The following ASPHD2 variants were observed in gnomAD, a reference collection of about 807,000 sequenced individuals.
ASPHD2 encodes aspartate beta-hydroxylase domain-containing protein 2.
A neutral mutation model predicts 34.6 loss-of-function variants in ASPHD2; 12 were observed. That is an observed-to-expected ratio of 0.35 (90% confidence interval 0.22 to 0.56). The LOEUF is 0.56. Ranked by LOEUF, ASPHD2 falls within the 20% of genes least tolerant of loss-of-function variation. The pLI, the probability that ASPHD2 is intolerant of heterozygous loss-of-function variation, is 0.87. For missense variants in ASPHD2, 375 were observed against 505.0 expected (o/e 0.74, Z 2.47); for synonymous variants, 224 against 212.2 (o/e 1.06, Z -0.48).
rs541362211 is a variant in ASPHD2, at chr22:26,443,467, G to A, written c.*261G>A. The A allele has an allele frequency of 4.3e-5, 18 of 419,764 alleles. No individual in the cohort carries two copies. The highest frequency in any genetic ancestry group is 1.6e-4 in the African/African-American group (8 of 48,732). 26.0% of individuals were successfully genotyped at this position (419,764 alleles called of 1,614,324 possible). The stretch of plus-strand genomic sequence containing the variant: ...AGAGACTCCTTTCTGGCCTAACAGC[G>A]CATTCCTTTGATTGGTCCTTGAGTG... On this transcript the variant is annotated 3_prime_UTR_variant, in exon 4 of 4. Coordinates refer to ENST00000215906, the MANE Select transcript of ASPHD2 (RefSeq NM_020437.5).
chr22:26,434,283 C>A lies in ASPHD2; in HGVS notation c.668C>A (p.Thr223Asn). ...CCGCAAGGATGGAAAATGAACAGCACCCCCAGCGGGGAGTGGTTCACCTTT... is the reference window on the plus strand; with the variant it reads ...CCGCAAGGATGGAAAATGAACAGCAACCCCAGCGGGGAGTGGTTCACCTTT... ...SLPQGWKMNS[T>N]PSGEWFTFYL... Residue 223 changes from threonine to asparagine, a missense_variant, in exon 2 of 4, where the codon ACC becomes AAC. This residue lies in a region of ASPHD2 where 142 missense variants were observed against 217.9 expected (regional missense o/e 0.65). Transcript: ENST00000215906. 6.2e-7 allele frequency: 1 copy of A among 1,614,212 alleles called. No homozygotes were observed. Among genetic ancestry groups the A allele is most frequent in the East Asian group, 2.2e-5 (1 of 44,884 alleles).
In ASPHD2 at chr22:26,442,487, G is replaced by C. The variant is rs1394756017; in HGVS notation, c.915G>C (p.Leu305=). Residue 305 remains leucine (L), a synonymous_variant, in exon 3 of 4, where the codon CTG becomes CTC. Coordinates refer to ENST00000215906, the MANE Select transcript of ASPHD2 (RefSeq NM_020437.5). ...TGAAAACTCCAAATGGCTGTGAGCT[G>C]GTGGTGGGGGGAGAGCCCCAGTGCT... ...LGLKTPNGCE[L]VVGGEPQCWA... 2.5e-6 allele frequency: 4 copies of C among 1,607,672 alleles called. No individual in the cohort carries two copies. In the African/African-American group the frequency reaches 5.4e-5, roughly 22 times the overall value.
Position 26,444,946 on chromosome 22 carries a change from C to A in ASPHD2, c.*1740C>A, listed in dbSNP as rs956699971. ...CAAAACCAACAGCCCGCGCAGGTAC[C>A]TAGCTACCTGCATTCATGTGACATG... is the stretch of plus-strand genomic sequence containing the variant. On this transcript the variant is annotated 3_prime_UTR_variant, in exon 4 of 4. Coordinates refer to ENST00000215906, the MANE Select transcript of ASPHD2 (RefSeq NM_020437.5). 6.6e-6 allele frequency: 1 copy of A among 152,192 alleles called. No individual in the cohort carries two copies. The highest frequency in any genetic ancestry group is 6.5e-5 in the Admixed American group (1 of 15,284). 9.4% of individuals were successfully genotyped at this position (152,192 alleles called of 1,614,324 possible).
At chr22:26,437,413 G>A (rs1440007085) in intron 2 of ASPHD2, among the ~76,000 whole-genome samples, 2 of 152,180 alleles carry the variant, frequency 1.3e-5, no homozygotes, top group African/African-American at 4.8e-5. Flanking sequence ...GAGCCCTGCT[G>A]TGAGCTACTT....
In ASPHD2 at chr22:26,444,561, C is replaced by A. The variant is rs550029172; in HGVS notation, c.*1355C>A. 3.9e-5 allele frequency: 6 copies of A among 152,316 alleles called. No individual in the cohort carries two copies. In the East Asian group the frequency reaches 9.6e-4, roughly 24 times the overall value. The allele number at this position is 152,316 out of a possible 1,614,324, so 9.4% of individuals were successfully genotyped here. On this transcript the variant is annotated 3_prime_UTR_variant, in exon 4 of 4. Coordinates refer to ENST00000215906, the MANE Select transcript of ASPHD2 (RefSeq NM_020437.5). ...TAGCCGGCCAGCCACACTAGAGATGCCTTTTCTGAATAATGTATTATGAGC... is the reference window on the plus strand; with the variant it reads ...TAGCCGGCCAGCCACACTAGAGATGACTTTTCTGAATAATGTATTATGAGC...
chr22:26,429,554 G>T lies in ASPHD2; in HGVS notation c.-225+68G>T, dbSNP rs1181582083. 6.6e-6 allele frequency: 1 copy of T among 152,076 alleles called. No homozygotes were observed. The highest frequency in any genetic ancestry group is 1.5e-5 in the Non-Finnish European group (1 of 67,718). 9.4% of individuals were successfully genotyped at this position (152,076 alleles called of 1,614,324 possible). Reference sequence around the variant, plus strand: ...CGGCTGGGCCGACCCCAGGACAGGGGTTGGAGGCGGGAGCCCGGCAGCTGC... The same window carrying T: ...CGGCTGGGCCGACCCCAGGACAGGGTTTGGAGGCGGGAGCCCGGCAGCTGC... On this transcript the variant is annotated intron_variant, in intron 1 of 3. Transcript: ENST00000215906. This position sits in a 1 kb window ranked among gnomAD's most constrained non-coding sequence, Gnocchi z 4.5.
At position 26,444,580 on chromosome 22, in the gene ASPHD2, T is replaced by C. The variant is rs1052358113; in HGVS notation, c.*1374T>C. The C allele has an allele frequency of 6.6e-6, 1 of 152,266 alleles. No individual in the cohort carries two copies. Among genetic ancestry groups the C allele is most frequent in the Non-Finnish European group, 1.5e-5 (1 of 68,056 alleles). The allele number at this position is 152,266 out of a possible 1,614,324, so 9.4% of individuals were successfully genotyped here. On this transcript the variant is annotated 3_prime_UTR_variant, in exon 4 of 4. Transcript: ENST00000215906. The stretch of plus-strand genomic sequence containing the variant: ...GAGATGCCTTTTCTGAATAATGTAT[T>C]ATGAGCAGTGTCAGATTTATAAAGC...
chr22:26,441,438 A>T (rs2084837501), intron 2 of ASPHD2, among the ~76,000 whole-genome samples: 3 of 144,594 alleles, frequency 2.1e-5, no homozygotes, highest in African/African-American at 7.8e-5. Context: ...TGGTGGAGCC[A>T]CTGCATTTCA....
chr22:26,441,020 CAA>C (rs2084832577), intron 2 of ASPHD2, among the ~76,000 whole-genome samples: 1 of 152,146 alleles, frequency 6.6e-6, no homozygotes, highest in Non-Finnish European at 1.5e-5. Flanking sequence ...GAATTTTTGC[CAA>C]GAGTGCAGTG....
At position 26,442,932 on chromosome 22, in the gene ASPHD2, C is replaced by G. The variant is rs2084863088; in HGVS notation, c.1001-165C>G. 1.3e-5 allele frequency among the ~76,000 whole-genome samples: 2 copies of G among 152,104 alleles called. 1 individual carries two copies. Among genetic ancestry groups the G allele is most frequent in the Admixed American group, 1.3e-4 (2 of 15,272 alleles). ...CACCCTGCTCAGAAGCCCATGAAGC[C>G]AGGTTTATGCTCTCAGTGAGAGAGG... On this transcript the variant is annotated intron_variant, in intron 3 of 3. Coordinates refer to ENST00000215906, the MANE Select transcript of ASPHD2 (RefSeq NM_020437.5).
chr22:26,429,343 GCTC>G lies in ASPHD2; in HGVS notation c.-366_-364del, dbSNP rs2084741830. On this transcript the variant is annotated 5_prime_UTR_variant, in exon 1 of 4. Transcript: ENST00000215906. This position sits in a 1 kb window ranked among gnomAD's most constrained non-coding sequence, Gnocchi z 4.5. ...CGGCGCGGCTTAGGCTCGGGCTCGG[GCTC>G]CGGCTCGGGCTCCCGCGGCGTGGGC... 1 of 151,068 alleles carries G rather than the reference GCTC, an allele frequency of 6.6e-6. No individual in the cohort carries two copies. Among genetic ancestry groups the G allele is most frequent in the South Asian group, 1.8e-4 (1 of 5,710 alleles). The allele number at this position is 151,068 out of a possible 1,614,324, so 9.4% of individuals were successfully genotyped here. A position where few individuals can be genotyped will look rare whatever the true frequency, so the allele number is the denominator to read the frequency against.
rs142256914 is a variant in ASPHD2 at position 26,444,961 on chromosome 22, C to A, written c.*1755C>A. ...GCGCAGGTACCTAGCTACCTGCATT[C>A]ATGTGACATGTCTGGGGAACAGAAG... On this transcript the variant is annotated 3_prime_UTR_variant, in exon 4 of 4. Transcript: ENST00000215906. 6.6e-6 allele frequency: 1 copy of A among 152,170 alleles called. No homozygotes were observed. Among genetic ancestry groups the A allele is most frequent in the East Asian group, 1.9e-4 (1 of 5,196 alleles). 9.4% of individuals were successfully genotyped at this position (152,170 alleles called of 1,614,324 possible).
rs966297420 is a variant in ASPHD2 at position 26,429,424 on chromosome 22, G to A, written c.-287G>A. The A allele has an allele frequency of 2.7e-5, 4 of 148,036 alleles. No homozygotes were observed. The highest frequency in any genetic ancestry group is 6.0e-5 in the Non-Finnish European group (4 of 66,168). 9.2% of individuals were successfully genotyped at this position (148,036 alleles called of 1,614,324 possible). A position where few individuals can be genotyped will look rare whatever the true frequency, so the allele number is the denominator to read the frequency against. On this transcript the variant is annotated 5_prime_UTR_variant, in exon 1 of 4. Coordinates refer to ENST00000215906, the MANE Select transcript of ASPHD2 (RefSeq NM_020437.5). This position sits in a 1 kb window ranked among gnomAD's most constrained non-coding sequence, Gnocchi z 4.5. ...GGCGCCGGGCAGGGGCCGTCCGCGG[G>A]TCCGCGCCCTCGGGCGGCGGCGTCT...
At chr22:26,440,705 C>A (rs1251695627) in intron 2 of ASPHD2, among the ~76,000 whole-genome samples, 1 of 152,218 alleles carries the variant, frequency 6.6e-6, no homozygotes, top group African/African-American at 2.4e-5. Flanking sequence ...TTAGAAGTGT[C>A]CTCCAGTTTC....
Position 26,444,786 on chromosome 22 carries a change from A to G in ASPHD2, c.*1580A>G, listed in dbSNP as rs978730902. On this transcript the variant is annotated 3_prime_UTR_variant, in exon 4 of 4. Transcript: ENST00000215906. ...ACATTTGAGTAAAATGTCTACACAG[A>G]TATTTGTCAGTGATGAGAATGCAGG... is the stretch of plus-strand genomic sequence containing the variant. 6.6e-6 allele frequency: 1 copy of G among 152,182 alleles called. No homozygotes were observed. Among genetic ancestry groups the G allele is most frequent in the African/African-American group, 2.4e-5 (1 of 41,460 alleles). The allele number at this position is 152,182 out of a possible 1,614,324, so 9.4% of individuals were successfully genotyped here.
intron 2 of ASPHD2, among the ~76,000 whole-genome samples, chr22:26,438,125 G>C (rs1173531582): frequency 6.6e-6 from 1 of 152,128 alleles, no homozygotes; most frequent in Non-Finnish European, 1.5e-5. Flanking sequence ...AGAGAAAGGG[G>C]AGCTTCTTTC....
At chr22:26,440,800 G>A (rs1237146495) in intron 2 of ASPHD2, among the ~76,000 whole-genome samples, 7 of 152,222 alleles carry the variant, frequency 4.6e-5, no homozygotes, top group Admixed American at 6.5e-5. Flanking sequence ...AGAACACTGT[G>A]TGAGCCTTTG....
At chr22:26,432,103 G>A (rs2084760232) in intron 1 of ASPHD2, among the ~76,000 whole-genome samples, 1 of 152,244 alleles carries the variant, frequency 6.6e-6, no homozygotes, top group Non-Finnish European at 1.5e-5. Context: ...GCTGAGATAG[G>A]AGAATCACTT....
At position 26,442,477 on chromosome 22, in the gene ASPHD2, G is replaced by A. The variant is rs759475606; in HGVS notation, c.905G>A (p.Gly302Asp). Residue 302 changes from glycine (G) to aspartate (D), a missense_variant, in exon 3 of 4, where the codon GGC becomes GAC. Transcript: ENST00000215906. ...RCHLGLKTPN[G>D]CELVVGGEPQ... ...CTACAAGGTCTGAAAACTCCAAATG[G>A]CTGTGAGCTGGTGGTGGGGGGAGAG... 1 of 1,602,350 alleles carries A rather than the reference G, an allele frequency of 6.2e-7. No homozygotes were observed.
Sources: gnomAD v4.1 joint callset for allele counts (sites outside exome capture counted in the v4.1 genomes callset) on GRCh38, gnomAD v4.1.1 for gene constraint, gnomAD v4.1.1 regional missense constraint, Gnocchi (gnomAD v3.1) non-coding constraint, MANE v1.5 for transcripts, NCBI Gene and HGNC (gene_info 2026-07-23, HGNC 2026-07-21) for gene names.